Variants in MLLT3 observed in about 807,000 individuals in gnomAD.
The protein encoded by MLLT3 is protein AF-9.
MLLT3 carries 4 observed loss-of-function variants against 53.2 expected under a neutral mutation model. The observed-to-expected ratio is 0.08, with a 90% CI of 0.04 to 0.17. The LOEUF is 0.17. Ranked by LOEUF, MLLT3 falls within the 10% of genes least tolerant of loss-of-function variation. MLLT3 has a pLI of 1.00. For missense variants in MLLT3, 569 were observed against 684.0 expected (o/e 0.83, Z 1.87); for synonymous variants, 283 against 230.6 (o/e 1.23, Z -2.06).
chr9:20,526,492 G>T (rs1016024514), intron 2 of MLLT3, among the ~76,000 whole-genome samples: 1 of 152,198 alleles, frequency 6.6e-6, no homozygotes, highest in African/African-American at 2.4e-5. Context: ...ATGCTTATGT[G>T]TATGGCTTCT....
chr9:20,508,124 A>G (rs1390920515), intron 2 of MLLT3, among the ~76,000 whole-genome samples: 1 of 152,182 alleles, frequency 6.6e-6, no homozygotes, highest in African/African-American at 2.4e-5. Context: ...AGATTTTGAA[A>G]CTGCTCTAAA....
intron 2 of MLLT3, among the ~76,000 whole-genome samples, chr9:20,494,517 T>A (rs575398490): frequency 6.6e-6 from 1 of 152,192 alleles, no homozygotes; most frequent in Non-Finnish European, 1.5e-5. Context: ...CTCAAAGTCA[T>A]ACTGCAATGA....
chr9:20,405,659 C>T (rs946755069), intron 5 of MLLT3, among the ~76,000 whole-genome samples: 3 of 152,142 alleles, frequency 2.0e-5, no homozygotes, highest in Admixed American at 2.0e-4. Context: ...GAGTAGAGTT[C>T]AATAAGGTTT....
chr9:20,581,949 C>T lies in MLLT3; in HGVS notation c.193+38705G>A, dbSNP rs988366425. On this transcript the variant is annotated intron_variant, in intron 2 of 10. Coordinates refer to ENST00000380338, the MANE Select transcript of MLLT3 (RefSeq NM_004529.4). Reference sequence around the variant, plus strand: ...ATTTTTGAAACCACAGAACAAAGTTCTATATCTGATGCTCAATCCAGCCGC... The same window carrying T: ...ATTTTTGAAACCACAGAACAAAGTTTTATATCTGATGCTCAATCCAGCCGC... Among the ~76,000 whole-genome samples the T allele has an allele frequency of 9.9e-5, 15 of 152,080 alleles. No individual in the cohort carries two copies. In the East Asian group the frequency reaches 2.3e-3, roughly 23 times the overall value.
intron 2 of MLLT3, among the ~76,000 whole-genome samples, chr9:20,466,847 G>A (rs1824249679): frequency 6.6e-6 from 1 of 152,142 alleles, no homozygotes. Context: ...AATGCTTAGG[G>A]AACAAACCAG....
intron 2 of MLLT3, among the ~76,000 whole-genome samples, chr9:20,477,781 G>A (rs1256445875): frequency 1.3e-5 from 2 of 152,094 alleles, no homozygotes; most frequent in Non-Finnish European, 2.9e-5. Flanking sequence ...AATGGTATGA[G>A]TTATTTTTGC....
chr9:20,546,441 A>T (rs2119020352), intron 2 of MLLT3, among the ~76,000 whole-genome samples: 1 of 152,152 alleles, frequency 6.6e-6, no homozygotes, highest in Non-Finnish European at 1.5e-5. Context: ...TACTCAGGAG[A>T]CCAAGGCAGG....
rs200371704 is a variant in MLLT3, at chr9:20,425,721, TTAA to T, written c.421-11299_421-11297del. On this transcript the variant is annotated intron_variant, in intron 4 of 10. Transcript: ENST00000380338. The stretch of plus-strand genomic sequence containing the variant: ...AGTTATATACATTTAGCTTACATCA[TTAA>T]TAAGATGAAAAAAATCTACAAATTA... 8.3e-3 allele frequency among the ~76,000 whole-genome samples: 1,261 copies of T among 152,062 alleles called. 19 individuals carry two copies. Among genetic ancestry groups the T allele is most frequent in the African/African-American group, 0.028 (1,158 of 41,518 alleles).
intron 3 of MLLT3, among the ~76,000 whole-genome samples, chr9:20,450,483 A>G (rs1363996202): frequency 2.0e-5 from 3 of 152,090 alleles, no homozygotes; most frequent in African/African-American, 4.8e-5. Context: ...TACCTTTCCT[A>G]TATTTCTTTT....
intron 2 of MLLT3, among the ~76,000 whole-genome samples, chr9:20,551,136 T>C (rs1168071645): frequency 6.6e-6 from 1 of 152,332 alleles, no homozygotes; most frequent in East Asian, 1.9e-4. Flanking sequence ...TAGGTCAATA[T>C]GTTGGCTAAA....
At chr9:20,443,694 G>C (rs1351711052) in intron 4 of MLLT3, among the ~76,000 whole-genome samples, 1 of 152,168 alleles carries the variant, frequency 6.6e-6, no homozygotes, top group Non-Finnish European at 1.5e-5. Flanking sequence ...ATACCTTTAA[G>C]TGTCTGATAT....
intron 2 of MLLT3, among the ~76,000 whole-genome samples, chr9:20,529,431 T>TTTTAGCCAAATCAGAGTATG (rs1240967708): frequency 1.3e-5 from 2 of 152,178 alleles, no homozygotes; most frequent in Non-Finnish European, 2.9e-5. Context: ...TGCATGACAC[T>TTTTAGCCAAATCAGAGTATG]TTTAGCCAAA....
intron 3 of MLLT3, among the ~76,000 whole-genome samples, chr9:20,453,437 C>T (rs1245164043): frequency 3.3e-5 from 5 of 152,012 alleles, no homozygotes; most frequent in Non-Finnish European, 7.4e-5. Flanking sequence ...GTGGTGCATG[C>T]CTGTGGTCCC....
chr9:20,358,327 G>A (rs1242580317), intron 8 of MLLT3, among the ~76,000 whole-genome samples: 1 of 152,098 alleles, frequency 6.6e-6, no homozygotes, highest in African/African-American at 2.4e-5. Flanking sequence ...AGCTAAAAGT[G>A]GAAGCATACG....
intron 10 of MLLT3, among the ~76,000 whole-genome samples, chr9:20,349,863 C>T (rs80276077): frequency 3.2e-4 from 48 of 152,248 alleles, no homozygotes; most frequent in Admixed American, 5.9e-4. Context: ...ATGAGCCCCA[C>T]GTTTTTATGA....
rs1189926625 is a variant in MLLT3, at chr9:20,348,398, T to C, written c.1576-1824A>G. 9.2e-5 allele frequency among the ~76,000 whole-genome samples: 14 copies of C among 152,330 alleles called. No homozygotes were observed. The South Asian group carries it at 2.7e-3, about 29-fold the overall frequency. ...AAAGGGTATGGACAATGGGTATGCATCTTTTGCCTTCTTTCCTTCTTCCTG... is the reference window on the plus strand; with the variant it reads ...AAAGGGTATGGACAATGGGTATGCACCTTTTGCCTTCTTTCCTTCTTCCTG... On this transcript the variant is annotated intron_variant, in intron 10 of 10. Coordinates refer to ENST00000380338, the MANE Select transcript of MLLT3 (RefSeq NM_004529.4).
intron 2 of MLLT3, among the ~76,000 whole-genome samples, chr9:20,605,566 C>T (rs1480310932): frequency 6.6e-6 from 1 of 151,948 alleles, no homozygotes; most frequent in Non-Finnish European, 1.5e-5. Flanking sequence ...ACAACATTCC[C>T]CATTTCAATA....
At chr9:20,472,737 C>G (rs1223240593) in intron 2 of MLLT3, among the ~76,000 whole-genome samples, 1 of 151,998 alleles carries the variant, frequency 6.6e-6, no homozygotes, top group Non-Finnish European at 1.5e-5. Context: ...CCAAGCAAAC[C>G]AAATTTAGAA....
intron 2 of MLLT3, among the ~76,000 whole-genome samples, chr9:20,514,176 C>T (rs1166087548): frequency 6.6e-6 from 1 of 152,052 alleles, no homozygotes; most frequent in Admixed American, 6.5e-5. Flanking sequence ...TAGGGGTGTA[C>T]ATTTGAGTGG....
Sources: allele counts gnomAD v4.1 joint callset (sites outside exome capture counted in the v4.1 genomes callset), GRCh38; gene constraint gnomAD v4.1.1; transcripts MANE v1.5; gene names NCBI Gene and HGNC (gene_info 2026-07-23, HGNC 2026-07-21).